Variants in NRXN1 observed in about 807,000 individuals in gnomAD.
NRXN1 encodes the protein neurexin 1, also known as neurexin-1.
NRXN1 carries 39 observed loss-of-function variants against 150.9 expected under a neutral mutation model. The ratio of observed to expected loss-of-function variants is 0.26; its 90% CI spans 0.20 to 0.34. NRXN1 has a LOEUF of 0.34. NRXN1 is among the 10% of genes least tolerant of loss of function. The pLI is 1.00. For synonymous variants in NRXN1, 924 were observed against 757.0 expected (o/e 1.22, Z -3.62); for missense variants, 1,815 against 1,949.9 (o/e 0.93, Z 1.30).
chr2:50,750,095 G>C (rs544046196), intron 5 of NRXN1, among the ~76,000 whole-genome samples: 6 of 152,062 alleles, frequency 3.9e-5, no homozygotes, highest in African/African-American at 1.4e-4. Context: ...GATCTTATCA[G>C]GTCCTGTAGT....
In NRXN1 at chr2:51,028,224, G is replaced by A. The variant is rs868375208; in HGVS notation, c.50C>T (p.Ser17Leu). Residue 17 changes from serine to leucine, a missense_variant, in exon 2 of 23, where the codon TCG (serine) becomes TTG (leucine). By Grantham distance (145) the Ser-to-Leu change is moderately radical. This residue lies in a region of NRXN1 where 554 missense variants were observed against 478.8 expected (regional missense o/e 1.16). Coordinates refer to ENST00000401669, the MANE Select transcript of NRXN1 (RefSeq NM_001330078.2). ...CGCCCAGCAGCCCAGGAGCAGCAGC[G>A]AGAGGCACAGAAGAAAACAGCCCCC... ...QRGGCFLLCL[S>L]LLLLGCWAEL... The A allele has an allele frequency of 1.4e-6, 2 of 1,476,812 alleles. No individual in the cohort carries two copies. The highest frequency in any genetic ancestry group is 2.4e-5 in the East Asian group (1 of 42,134). The allele number at this position is 1,476,812 out of a possible 1,614,324, so 91.5% of individuals were successfully genotyped here. A position where few individuals can be genotyped will look rare whatever the true frequency, so the allele number is the denominator to read the frequency against.
intron 5 of NRXN1, among the ~76,000 whole-genome samples, chr2:50,916,640 C>T (rs999521680): frequency 1.3e-5 from 2 of 151,594 alleles, no homozygotes; most frequent in Non-Finnish European, 3.0e-5. Flanking sequence ...ATTCATACCA[C>T]CTCATTTTTT....
chr2:50,878,450 A>G (rs2103649575), intron 5 of NRXN1, among the ~76,000 whole-genome samples: 1 of 152,060 alleles, frequency 6.6e-6, no homozygotes, highest in East Asian at 2.0e-4. Context: ...TACACCCTAC[A>G]GCTCTACAAC....
chr2:51,028,328 C>G lies in NRXN1; in HGVS notation c.-55G>C, dbSNP rs994869538. ...CCGGGGCCGACAGGGTCAAAATGGT[C>G]CTGGACACCGTGACGAAGAAATAAG... On this transcript the variant is annotated 5_prime_UTR_variant, in exon 2 of 23. Coordinates refer to ENST00000401669, the MANE Select transcript of NRXN1 (RefSeq NM_001330078.2). The G allele has an allele frequency of 8.1e-7, 1 of 1,228,710 alleles. No individual in the cohort carries two copies. Among genetic ancestry groups the G allele is most frequent in the Non-Finnish European group, 1.1e-6 (1 of 925,926 alleles). 76.1% of individuals were successfully genotyped at this position (1,228,710 alleles called of 1,614,324 possible).
intron 5 of NRXN1, among the ~76,000 whole-genome samples, chr2:50,635,808 C>G (rs986698752): frequency 6.6e-6 from 1 of 152,076 alleles, no homozygotes; most frequent in African/African-American, 2.4e-5. Flanking sequence ...AAGGGTCAGT[C>G]TTTCGGTCCT....
intron 5 of NRXN1, among the ~76,000 whole-genome samples, chr2:50,890,992 A>C (rs1264592429): frequency 6.6e-6 from 1 of 152,034 alleles, no homozygotes; most frequent in Non-Finnish European, 1.5e-5. Context: ...ATCCCTATTT[A>C]GTGAAAACAA....
intron 18 of NRXN1, among the ~76,000 whole-genome samples, chr2:50,135,516 C>T (rs1706260546): frequency 6.6e-6 from 1 of 151,928 alleles, no homozygotes; most frequent in Non-Finnish European, 1.5e-5. Flanking sequence ...CACAGTGAAA[C>T]CCATCTCTAC....
intron 5 of NRXN1, among the ~76,000 whole-genome samples, chr2:50,871,983 C>T (rs1677844440): frequency 6.6e-6 from 1 of 151,716 alleles, no homozygotes; most frequent in Non-Finnish European, 1.5e-5. Context: ...AAAACTACTT[C>T]ATTTTCCCTG....
intron 5 of NRXN1, among the ~76,000 whole-genome samples, chr2:50,886,783 T>C (rs1205395302): frequency 1.3e-5 from 2 of 151,320 alleles, no homozygotes; most frequent in African/African-American, 4.8e-5. Context: ...AAGGATACAG[T>C]TTTTAATTTT....
intron 5 of NRXN1, chr2:50,656,389 G>C (rs920765149): frequency 1.3e-6 from 1 of 776,874 alleles, no homozygotes; most frequent in African/African-American, 1.7e-5. Context: ...CAGAAGTCAT[G>C]AAAGTGGTCT....
intron 18 of NRXN1, among the ~76,000 whole-genome samples, chr2:50,144,622 T>C (rs1707745504): frequency 6.6e-6 from 1 of 151,870 alleles, no homozygotes; most frequent in African/African-American, 2.4e-5. Context: ...ATTTAGTGTA[T>C]GGAATAATTA....
intron 18 of NRXN1, among the ~76,000 whole-genome samples, chr2:50,150,168 C>G (rs2058613661): frequency 6.6e-6 from 1 of 151,744 alleles, no homozygotes; most frequent in African/African-American, 2.4e-5. Flanking sequence ...TTTGCTCAAA[C>G]TACAATTCAA....
intron 15 of NRXN1, among the ~76,000 whole-genome samples, chr2:50,482,263 A>G (rs563717087): frequency 6.6e-6 from 1 of 152,032 alleles, no homozygotes; most frequent in East Asian, 1.9e-4. Flanking sequence ...AGAGTAATCC[A>G]TCTTCTTTTA....
intron 18 of NRXN1, among the ~76,000 whole-genome samples, chr2:50,211,822 A>G (rs1224219378): frequency 6.8e-6 from 1 of 146,484 alleles, no homozygotes; most frequent in Non-Finnish European, 1.5e-5. Context: ...GATGTGTAAT[A>G]ATTTTGCCTC....
chr2:50,884,582 T>G lies in NRXN1; in HGVS notation c.832+37287A>C, dbSNP rs72823541. Among the ~76,000 whole-genome samples, 4 of 151,610 alleles carry G rather than the reference T, an allele frequency of 2.6e-5. No homozygotes were observed. The Admixed American group carries it at 2.6e-4, about 10-fold the overall frequency. On this transcript the variant is annotated intron_variant, in intron 5 of 22. Transcript: ENST00000401669. ...TGTTTTGCGGCCCCAGTATCCAGCA[T>G]TGTAGCTTCGTAGGAGATAAATATG...
intron 21 of NRXN1, among the ~76,000 whole-genome samples, chr2:50,029,647 T>C (rs574215723): frequency 5.9e-5 from 9 of 152,256 alleles, no homozygotes; most frequent in African/African-American, 2.2e-4. Context: ...AAACCTACTT[T>C]ACTGGCATCT....
chr2:50,128,804 G>A (rs527630252), intron 18 of NRXN1, among the ~76,000 whole-genome samples: 5 of 151,842 alleles, frequency 3.3e-5, no homozygotes, highest in South Asian at 4.2e-4. Flanking sequence ...CCAACATGGC[G>A]AAACCACATC....
In NRXN1 at chr2:50,804,425, G is replaced by T. The variant is rs1432428117; in HGVS notation, c.832+117444C>A. 2.0e-5 allele frequency among the ~76,000 whole-genome samples: 3 copies of T among 152,228 alleles called. No individual in the cohort carries two copies. In the East Asian group the frequency reaches 5.8e-4, roughly 29 times the overall value. ...AAAACATATTATTTCAGTTTTATAG[G>T]TGAGGGATGTAATCGCTAGTACAAT... is the stretch of plus-strand genomic sequence containing the variant. On this transcript the variant is annotated intron_variant, in intron 5 of 22. Coordinates refer to ENST00000401669, the MANE Select transcript of NRXN1 (RefSeq NM_001330078.2).
At chr2:50,961,123 G>C (rs1693114920) in intron 2 of NRXN1, among the ~76,000 whole-genome samples, 1 of 151,890 alleles carries the variant, frequency 6.6e-6, no homozygotes, top group African/African-American at 2.4e-5. Flanking sequence ...TCCATTGACA[G>C]AGAAATAATT....
Sources: allele counts gnomAD v4.1 joint callset (sites outside exome capture counted in the v4.1 genomes callset), GRCh38; gene constraint gnomAD v4.1.1; regional missense constraint gnomAD v4.1.1; transcripts MANE v1.5; gene names NCBI Gene and HGNC (gene_info 2026-07-23, HGNC 2026-07-21).